PLCB1: variants seen among roughly 807,000 people sequenced by gnomAD.
PLCB1 encodes the protein 1-phosphatidylinositol 4,5-bisphosphate phosphodiesterase beta-1.
In PLCB1, 46 loss-of-function variants were observed where a neutral mutation model predicts 161.8. That is an observed-to-expected ratio of 0.28 (90% CI 0.22 to 0.36). The LOEUF is 0.36. PLCB1 is among the 10% of genes least tolerant of loss of function. The probability of loss-of-function intolerance (pLI) is 1.00; values close to 1 mark genes in which losing one functional copy is unlikely to be tolerated. For missense variants in PLCB1, 1,016 were observed against 1,472.5 expected (o/e 0.69, Z 5.07); for synonymous variants, 517 against 503.7 (o/e 1.03, Z -0.35).
At chr20:8,470,657 ACCTCAGCCT>A (rs1416112398) in intron 3 of PLCB1, among the ~76,000 whole-genome samples, 1 of 151,878 alleles carries the variant, frequency 6.6e-6, no homozygotes, top group Non-Finnish European at 1.5e-5. Flanking sequence ...TGATCCTCCC[ACCTCAGCCT>A]CCCAAGTAGC....
chr20:8,170,760 G>T (rs1216671643), intron 2 of PLCB1, among the ~76,000 whole-genome samples: 2 of 152,166 alleles, frequency 1.3e-5, no homozygotes, highest in African/African-American at 4.8e-5. Flanking sequence ...AATCTATGAG[G>T]CTGAGCCATA....
intron 17 of PLCB1, 26 bp from the exon 18 acceptor site, chr20:8,729,024 A>G: frequency 1.7e-5 from 25 of 1,479,106 alleles, no homozygotes; most frequent in Non-Finnish European, 2.2e-5. Flanking sequence ...TTATAATTGT[A>G]TTCACTACTT....
At chr20:8,434,882 A>G (rs1374382228) in intron 3 of PLCB1, among the ~76,000 whole-genome samples, 2 of 152,218 alleles carry the variant, frequency 1.3e-5, no homozygotes, top group Non-Finnish European at 2.9e-5. Context: ...TGGAGGGCAC[A>G]TGCAAGCTGA....
chr20:8,409,631 T>C (rs1381813034), intron 3 of PLCB1, among the ~76,000 whole-genome samples: 1 of 151,730 alleles, frequency 6.6e-6, no homozygotes, highest in African/African-American at 2.4e-5. Context: ...CCTGGCTAAT[T>C]TTTGTATTTT....
chr20:8,569,481 G>C (rs1225679023), intron 3 of PLCB1, among the ~76,000 whole-genome samples: 1 of 152,072 alleles, frequency 6.6e-6, no homozygotes, highest in Non-Finnish European at 1.5e-5. Context: ...ATTTTTAAAA[G>C]CCACTTGGCA....
At chr20:8,310,240 T>G in intron 2 of PLCB1, among the ~76,000 whole-genome samples, 1 of 152,282 alleles carries the variant, frequency 6.6e-6, no homozygotes, top group Non-Finnish European at 1.5e-5. Flanking sequence ...TAAAACAAAT[T>G]ATCGAAATCA....
At chr20:8,580,760 G>C (rs1026211394) in intron 3 of PLCB1, among the ~76,000 whole-genome samples, 2 of 152,218 alleles carry the variant, frequency 1.3e-5, no homozygotes, top group Admixed American at 6.5e-5. Flanking sequence ...AAATGATTGA[G>C]CTATGGTGAG....
intron 4 of PLCB1, among the ~76,000 whole-genome samples, chr20:8,630,025 T>TTTC: frequency 6.8e-6 from 1 of 147,418 alleles, no homozygotes; most frequent in Admixed American, 6.9e-5. Flanking sequence ...TCTTCTTTCC[T>TTTC]TTCTTTCCTC....
intron 9 of PLCB1, among the ~76,000 whole-genome samples, chr20:8,670,218 T>G (rs991632502): frequency 1.3e-5 from 2 of 152,234 alleles, no homozygotes; most frequent in African/African-American, 2.4e-5. Context: ...TTAATCTCTC[T>G]TGGGACAACT....
chr20:8,789,899 G>T (rs192248950), intron 30 of PLCB1, among the ~76,000 whole-genome samples: 25 of 152,222 alleles, frequency 1.6e-4, no homozygotes, highest in Admixed American at 7.2e-4. Flanking sequence ...TCGAAGGGCT[G>T]TCCTTTTTTT....
intron 2 of PLCB1, among the ~76,000 whole-genome samples, chr20:8,345,751 A>T (rs969494748): frequency 1.3e-5 from 2 of 152,208 alleles, no homozygotes; most frequent in Non-Finnish European, 2.9e-5. Flanking sequence ...ATCTCTAGGG[A>T]TCCTGAAGAT....
chr20:8,452,007 G>T (rs1013209622), intron 3 of PLCB1, among the ~76,000 whole-genome samples: 5 of 152,048 alleles, frequency 3.3e-5, no homozygotes, highest in African/African-American at 1.2e-4. Flanking sequence ...CCCAGTTAGG[G>T]AATTCTTTCC....
intron 3 of PLCB1, among the ~76,000 whole-genome samples, chr20:8,389,582 A>G (rs1056702032): frequency 6.6e-5 from 10 of 152,214 alleles, no homozygotes; most frequent in African/African-American, 1.4e-4. Flanking sequence ...TGTAATTTCA[A>G]CGTAAATCCA....
intron 2 of PLCB1, among the ~76,000 whole-genome samples, chr20:8,344,207 T>C (rs1473041992): frequency 6.6e-6 from 1 of 152,218 alleles, no homozygotes. Context: ...ATACTTCAAG[T>C]GCAGTCCATA....
intron 24 of PLCB1, among the ~76,000 whole-genome samples, chr20:8,757,655 C>A (rs1204631616): frequency 6.6e-6 from 1 of 151,980 alleles, no homozygotes; most frequent in Non-Finnish European, 1.5e-5. Flanking sequence ...CCCCCCATAC[C>A]AGGCCCAAGA....
At chr20:8,565,920 G>A (rs931761393) in intron 3 of PLCB1, among the ~76,000 whole-genome samples, 1 of 152,092 alleles carries the variant, frequency 6.6e-6, no homozygotes, top group East Asian at 1.9e-4. Context: ...AAATTTACAA[G>A]AAGTGTGTGC....
chr20:8,448,014 C>G (rs548225381), intron 3 of PLCB1, among the ~76,000 whole-genome samples: 14 of 152,346 alleles, frequency 9.2e-5, no homozygotes, highest in African/African-American at 3.4e-4. Context: ...TTGCTATTGA[C>G]AATCCTACAT....
chr20:8,213,585 A>C (rs1280713181), intron 2 of PLCB1, among the ~76,000 whole-genome samples: 1 of 152,102 alleles, frequency 6.6e-6, no homozygotes, highest in Non-Finnish European at 1.5e-5. Flanking sequence ...CAGGGGTCAG[A>C]ATAAAGCTTG....
chr20:8,279,909 G>A (rs1459660330), intron 2 of PLCB1, among the ~76,000 whole-genome samples: 1 of 152,144 alleles, frequency 6.6e-6, no homozygotes, highest in Non-Finnish European at 1.5e-5. Context: ...GTTATCTTTG[G>A]TGAGGAGCAG....
Sources: allele counts gnomAD v4.1 joint callset (sites outside exome capture counted in the v4.1 genomes callset), GRCh38; gene constraint gnomAD v4.1.1; transcripts MANE v1.5; gene names NCBI Gene and HGNC (gene_info 2026-07-23, HGNC 2026-07-21).